Variants in CDK5RAP2 observed in about 807,000 individuals in gnomAD.
CDK5RAP2 encodes the protein CDK5 regulatory subunit-associated protein 2.
A neutral mutation model predicts 232.9 loss-of-function variants in CDK5RAP2; 147 were observed. That is an observed-to-expected ratio of 0.63 (90% CI 0.55 to 0.72). The LOEUF (loss-of-function observed/expected upper bound fraction) is 0.72. Among genes scored for constraint, CDK5RAP2 ranks in the 30% least tolerant of loss-of-function variants. CDK5RAP2 has a pLI of 0.00. For synonymous variants in CDK5RAP2, 833 were observed against 833.7 expected, an observed-to-expected ratio of 1.00 and a Z score of 0.01; for missense variants, 2,195 against 2,231.5, an observed-to-expected ratio of 0.98 and a Z score of 0.33.
chr9:120,502,325 AGT>A (rs1226756885), intron 12 of CDK5RAP2, among the ~76,000 whole-genome samples: 2 of 152,202 alleles, frequency 1.3e-5, no homozygotes, highest in Non-Finnish European at 2.9e-5. Flanking sequence ...CTGAGTAAAG[AGT>A]GTGCACTTTT....
At chr9:120,540,206 C>T (rs1267084465) in intron 5 of CDK5RAP2, among the ~76,000 whole-genome samples, 1 of 152,186 alleles carries the variant, frequency 6.6e-6, no homozygotes, top group East Asian at 1.9e-4. Flanking sequence ...CAGTGTCGGA[C>T]ATGACTCTGT....
In CDK5RAP2 at chr9:120,439,449, GA is replaced by G; in HGVS notation, c.3671del (p.Phe1224SerfsTer22). 1 of 1,614,186 alleles carries G rather than the reference GA, an allele frequency of 6.2e-7. No individual in the cohort carries two copies. The highest frequency in any genetic ancestry group is 8.5e-7 in the Non-Finnish European group (1 of 1,180,016). ...QKEQNLNMQL[F>X]SEIHNLQNKF... Reference sequence around the variant, plus strand: ...TATTCTGCAGATTATGGATCTCACTGAAAAGTTGCATGTTCAAATTCTGCTC... The same window carrying G: ...TATTCTGCAGATTATGGATCTCACTGAAAGTTGCATGTTCAAATTCTGCTC... On this transcript the variant is annotated frameshift_variant, in exon 24 of 38. Transcript: ENST00000349780. LOFTEE classifies it high-confidence loss of function.
At chr9:120,462,704 C>T (rs2037159222) in intron 18 of CDK5RAP2, among the ~76,000 whole-genome samples, 1 of 152,138 alleles carries the variant, frequency 6.6e-6, no homozygotes, top group Non-Finnish European at 1.5e-5. Context: ...GCAAAATTAA[C>T]CCATAGTGGG....
Position 120,407,422 on chromosome 9 carries a change from A to C in CDK5RAP2, c.4727-174T>G, listed in dbSNP as rs2033534221. On this transcript the variant is annotated intron_variant, in intron 31 of 37. Coordinates refer to ENST00000349780, the MANE Select transcript of CDK5RAP2 (RefSeq NM_018249.6). Reference sequence around the variant, plus strand: ...TAGAAACAAAAATATTGGCAGACTTAATTGCTGCTATTCCACACGCTAAAT... The same window carrying C: ...TAGAAACAAAAATATTGGCAGACTTCATTGCTGCTATTCCACACGCTAAAT... 3 of 650,762 alleles carry C rather than the reference A, an allele frequency of 4.6e-6. No homozygotes were observed. The East Asian group carries it at 8.2e-5, about 18-fold the overall frequency. The allele number at this position is 650,762 out of a possible 1,614,324, so 40.3% of individuals were successfully genotyped here.
intron 21 of CDK5RAP2, 145 bp from the exon 22 acceptor site, chr9:120,448,271 C>A: frequency 1.4e-6 from 1 of 707,638 alleles, no homozygotes; most frequent in South Asian, 1.7e-5. Context: ...CTATGCTTAT[C>A]CACCAGCCAA....
chr9:120,403,087 T>C lies in CDK5RAP2; in HGVS notation c.5042-16A>G. 1 of 1,613,534 alleles carries C rather than the reference T, an allele frequency of 6.2e-7. No homozygotes were observed. The highest frequency in any genetic ancestry group is 8.5e-7 in the Non-Finnish European group (1 of 1,179,536). ...GTCTCTGAAACTGTAAAATGAGAAG[T>C]AGGATGTAAAATCTGTTTCAGGTAA... On this transcript the variant is annotated splice_polypyrimidine_tract_variant and intron_variant, in intron 33 of 37. Coordinates refer to ENST00000349780, the MANE Select transcript of CDK5RAP2 (RefSeq NM_018249.6). This position sits in a 1 kb window ranked among gnomAD's most constrained non-coding sequence, Gnocchi z 4.2.
intron 6 of CDK5RAP2, among the ~76,000 whole-genome samples, chr9:120,537,479 A>G (rs1349924280): frequency 6.6e-6 from 1 of 152,170 alleles, no homozygotes; most frequent in Admixed American, 6.5e-5. Context: ...TTAGACAACA[A>G]CAAAGCCTGT....
intron 10 of CDK5RAP2, among the ~76,000 whole-genome samples, chr9:120,527,524 A>ATG (rs1428748984): frequency 6.6e-6 from 1 of 151,174 alleles, no homozygotes; most frequent in Non-Finnish European, 1.5e-5. Flanking sequence ...GGGGGGATAT[A>ATG]TATATAATTA....
intron 10 of CDK5RAP2, among the ~76,000 whole-genome samples, chr9:120,526,750 A>G (rs966070566): frequency 3.9e-5 from 6 of 152,136 alleles, no homozygotes; most frequent in African/African-American, 7.2e-5. Context: ...CCACTTGAAG[A>G]AGCTTCACCT....
At chr9:120,555,457 G>A (rs1333433415) in intron 3 of CDK5RAP2, among the ~76,000 whole-genome samples, 4 of 152,138 alleles carry the variant, frequency 2.6e-5, no homozygotes, top group South Asian at 2.1e-4. Context: ...ACTTCTCTGT[G>A]GACCTCAGCT....
intron 18 of CDK5RAP2, among the ~76,000 whole-genome samples, chr9:120,466,205 CA>C (rs1440450260): frequency 6.6e-6 from 1 of 152,152 alleles, no homozygotes; most frequent in Non-Finnish European, 1.5e-5. Flanking sequence ...ATGCTGTGGA[CA>C]ATATATGCAT....
Position 120,443,648 on chromosome 9 carries a change from G to A in CDK5RAP2, c.3120C>T (p.Asp1040=), listed in dbSNP as rs1328764597. Residue 1040 remains aspartate (D), a synonymous_variant, in exon 23 of 38, where the codon GAC becomes GAT. Coordinates refer to ENST00000349780, the MANE Select transcript of CDK5RAP2 (RefSeq NM_018249.6). The stretch of plus-strand genomic sequence containing the variant: ...TCTCGTAGCTTCTTTGCTGATCACT[G>A]TCCATTTCCTTGTCTCTCCAGACAG... ...TSSVWRDKEM[D]SDQQRSYEID... is the part of the protein sequence containing the mutation. 3.1e-6 allele frequency: 5 copies of A among 1,614,100 alleles called. No individual in the cohort carries two copies. The highest frequency in any genetic ancestry group is 4.2e-6 in the Non-Finnish European group (5 of 1,180,006).
At chr9:120,480,573 G>A (rs1419298640) in intron 14 of CDK5RAP2, among the ~76,000 whole-genome samples, 2 of 151,718 alleles carry the variant, frequency 1.3e-5, no homozygotes, top group African/African-American at 4.9e-5. Context: ...CATTTCCATA[G>A]CATAATTTTT....
At chr9:120,401,655 T>C (rs1279749848) in intron 34 of CDK5RAP2, among the ~76,000 whole-genome samples, 1 of 151,090 alleles carries the variant, frequency 6.6e-6, no homozygotes, top group African/African-American at 2.4e-5. Flanking sequence ...GACACATCCT[T>C]TTTAGATATC....
Position 120,470,163 on chromosome 9 carries a change from T to C in CDK5RAP2, c.1916A>G (p.Glu639Gly). 2 of 1,600,902 alleles carry C rather than the reference T, an allele frequency of 1.2e-6. No homozygotes were observed. The highest frequency in any genetic ancestry group is 2.2e-5 in the South Asian group (2 of 90,190). The change falls in exon 17 of 38, where the codon GAA becomes GGA. Residue 639 changes from glutamate (E) to glycine (G), a missense_variant. Transcript: ENST00000349780. The stretch of plus-strand genomic sequence containing the variant: ...ATGTTCCACTTGAAACCGATTGTTT[T>C]CTTCAAGGCAAATACTTAGATAAGA... ...QTSYLSICLE[E>G]NNRFQVEHFS...
Position 120,518,646 on chromosome 9 carries a change from C to A in CDK5RAP2, c.1093-1G>T. 6.2e-7 allele frequency: 1 copy of A among 1,612,630 alleles called. No individual in the cohort carries two copies. The highest frequency in any genetic ancestry group is 8.5e-7 in the Non-Finnish European group (1 of 1,179,002). On this transcript the variant is annotated splice_acceptor_variant, in intron 11 of 37. Transcript: ENST00000349780. LOFTEE classifies it high-confidence loss of function. ...GAGCAGTCTCATAGTCTTCAGACCCCTAGAAGAGAAGGCAGAGAAGCAAGA... is the reference window on the plus strand; with the variant it reads ...GAGCAGTCTCATAGTCTTCAGACCCATAGAAGAGAAGGCAGAGAAGCAAGA...
At position 120,453,631 on chromosome 9, in the gene CDK5RAP2, A is replaced by T; in HGVS notation, c.2618T>A (p.Val873Glu). ...GTCGCCCTCCGTGGCCACAGTCTGC[A>T]CTGAGGCATCTTTCAGTCCTACCTT... is the stretch of plus-strand genomic sequence containing the variant. The part of the protein sequence containing the change: ...VPKVGLKDAS[V>E]QTVATEGDLL... Residue 873 changes from valine (V) to glutamate (E), a missense_variant, in exon 21 of 38, where the codon GTG (valine) becomes GAG (glutamate). Physicochemically the swap from Val to Glu is moderately radical, Grantham distance 121 (BLOSUM62 -2). Transcript: ENST00000349780. The T allele has an allele frequency of 6.2e-7, 1 of 1,614,182 alleles. No individual in the cohort carries two copies. The highest frequency in any genetic ancestry group is 8.5e-7 in the Non-Finnish European group (1 of 1,180,038).
intron 12 of CDK5RAP2, among the ~76,000 whole-genome samples, chr9:120,496,622 G>A (rs1452976629): frequency 2.0e-5 from 3 of 146,918 alleles, no homozygotes; most frequent in South Asian, 2.1e-4. Flanking sequence ...GCCTCTGCCC[G>A]GCCGCCCCTA....
intron 35 of CDK5RAP2, among the ~76,000 whole-genome samples, chr9:120,398,232 G>A (rs2032693365): frequency 6.6e-6 from 1 of 152,140 alleles, no homozygotes; most frequent in Admixed American, 6.5e-5. Context: ...ATTCTGATAT[G>A]TGCTATTCAA....
Sources: gnomAD v4.1 joint callset for allele counts (sites outside exome capture counted in the v4.1 genomes callset) on GRCh38, gnomAD v4.1.1 for gene constraint, Gnocchi (gnomAD v3.1) non-coding constraint, MANE v1.5 for transcripts, NCBI Gene and HGNC (gene_info 2026-07-23, HGNC 2026-07-21) for gene names.